The following EPHA6 variants were observed in gnomAD, a reference collection of about 807,000 sequenced individuals.
EPHA6 encodes the protein ephrin type-A receptor 6.
In EPHA6, 50 loss-of-function variants were observed where a neutral mutation model predicts 112.0. The ratio of observed to expected loss-of-function variants is 0.45; its 90% CI spans 0.36 to 0.56. EPHA6 has a LOEUF of 0.56. Among genes scored for constraint, EPHA6 ranks in the 20% least tolerant of loss-of-function variants. EPHA6 has a pLI of 0.00. For synonymous variants in EPHA6, 529 were observed against 490.7 expected (o/e 1.08, Z -1.03); for missense variants, 1,280 against 1,417.4 (o/e 0.90, Z 1.56).
At chr3:97,559,699 A>T in intron 11 of EPHA6, 1 of 442,248 alleles carries the variant, frequency 2.3e-6, no homozygotes, top group Non-Finnish European at 4.5e-6. Context: ...GTATGCTGTC[A>T]CACAAGAGTG....
intron 2 of EPHA6, among the ~76,000 whole-genome samples, chr3:96,898,031 AAG>A (rs1035805851): frequency 1.3e-5 from 2 of 152,186 alleles, no homozygotes; most frequent in Non-Finnish European, 2.9e-5. Context: ...AAAATGAAAA[AAG>A]AAAATATTGA....
At chr3:97,091,222 A>T (rs1399150147) in intron 3 of EPHA6, among the ~76,000 whole-genome samples, 1 of 152,130 alleles carries the variant, frequency 6.6e-6, no homozygotes, top group South Asian at 2.1e-4. Context: ...TGTTCTCTAT[A>T]TGATATGGAA....
intron 6 of EPHA6, among the ~76,000 whole-genome samples, chr3:97,447,198 G>A (rs1441079058): frequency 6.6e-6 from 1 of 152,100 alleles, no homozygotes; most frequent in African/African-American, 2.4e-5. Flanking sequence ...TAGCTTAAGA[G>A]AAATGATTTT....
chr3:96,973,877 A>T lies in EPHA6; in HGVS notation c.451-13453A>T, dbSNP rs555558892. Among the ~76,000 whole-genome samples, 651 of 146,162 alleles carry T rather than the reference A, an allele frequency of 4.5e-3. 5 individuals are homozygous for T. The highest frequency in any genetic ancestry group is 0.016 in the African/African-American group (636 of 40,442). ...TCTATATTATATAATATATAATATGATAGATTCTGTATATTATATAATATA... is the reference window on the plus strand; with the variant it reads ...TCTATATTATATAATATATAATATGTTAGATTCTGTATATTATATAATATA... On this transcript the variant is annotated intron_variant, in intron 2 of 17. Coordinates refer to ENST00000389672, the MANE Select transcript of EPHA6 (RefSeq NM_001080448.3).
At chr3:97,034,681 A>T (rs1245987841) in intron 3 of EPHA6, among the ~76,000 whole-genome samples, 1 of 151,954 alleles carries the variant, frequency 6.6e-6, no homozygotes, top group South Asian at 2.1e-4. Flanking sequence ...TATTTTTAGC[A>T]TATTGCCTAT....
intron 3 of EPHA6, among the ~76,000 whole-genome samples, chr3:97,123,707 A>T (rs1011310845): frequency 6.6e-6 from 1 of 152,142 alleles, no homozygotes; most frequent in East Asian, 1.9e-4. Context: ...ATCGTACTGA[A>T]ATCAGTTTGT....
intron 10 of EPHA6, among the ~76,000 whole-genome samples, chr3:97,521,777 G>A (rs1216690846): frequency 6.6e-6 from 1 of 152,110 alleles, no homozygotes; most frequent in East Asian, 1.9e-4. Flanking sequence ...CATGGGGCAT[G>A]ACAGTGCACC....
chr3:97,505,600 T>G (rs2092228818), intron 10 of EPHA6, among the ~76,000 whole-genome samples: 1 of 152,206 alleles, frequency 6.6e-6, no homozygotes, highest in Non-Finnish European at 1.5e-5. Context: ...GATGGGCATT[T>G]GGGTTGGTTC....
At chr3:97,215,650 A>G (rs1194087109) in intron 3 of EPHA6, among the ~76,000 whole-genome samples, 2 of 151,908 alleles carry the variant, frequency 1.3e-5, no homozygotes, top group Non-Finnish European at 2.9e-5. Context: ...TATTTCAATC[A>G]CTGTATCCAT....
intron 3 of EPHA6, among the ~76,000 whole-genome samples, chr3:96,997,008 TC>T (rs2043448061): frequency 6.6e-6 from 1 of 152,094 alleles, no homozygotes; most frequent in Non-Finnish European, 1.5e-5. Context: ...AGCTTCTACA[TC>T]ATCAGCACCT....
At chr3:97,475,504 C>A (rs1442442839) in intron 8 of EPHA6, 44 bp downstream of exon 8, 3 of 1,351,812 alleles carry the variant, frequency 2.2e-6, no homozygotes, top group African/African-American at 1.4e-5. Context: ...TATGAATAAC[C>A]ACTCTTTTTA....
intron 3 of EPHA6, among the ~76,000 whole-genome samples, chr3:97,120,428 C>T (rs1158472541): frequency 6.6e-6 from 1 of 151,534 alleles, no homozygotes; most frequent in Non-Finnish European, 1.5e-5. Flanking sequence ...TAGAGTAACC[C>T]ACATTTGCAT....
chr3:97,489,685 T>TA (rs60356185), intron 10 of EPHA6, among the ~76,000 whole-genome samples: 283 of 133,402 alleles, frequency 2.1e-3, no homozygotes, highest in East Asian at 6.6e-3. Flanking sequence ...GACTCCGTCT[T>TA]AAAAAAAAAA....
At chr3:96,897,301 A>G (rs541680005) in intron 2 of EPHA6, among the ~76,000 whole-genome samples, 12 of 152,148 alleles carry the variant, frequency 7.9e-5, no homozygotes, top group Admixed American at 2.6e-4. Flanking sequence ...CTATTAGCAA[A>G]CCAAATTTCT....
intron 13 of EPHA6, among the ~76,000 whole-genome samples, chr3:97,612,176 T>C (rs1162083347): frequency 1.3e-5 from 2 of 152,030 alleles, no homozygotes; most frequent in African/African-American, 4.8e-5. Flanking sequence ...TTCTAAATTA[T>C]TTTAGAATAA....
intron 11 of EPHA6, among the ~76,000 whole-genome samples, chr3:97,570,686 A>G (rs373350708): frequency 6.9e-4 from 105 of 151,976 alleles, no homozygotes; most frequent in African/African-American, 2.2e-3. Flanking sequence ...CAGAGATCAC[A>G]CCACTGTACT....
At chr3:97,688,869 C>T (rs2032451839) in intron 14 of EPHA6, among the ~76,000 whole-genome samples, 1 of 151,986 alleles carries the variant, frequency 6.6e-6, no homozygotes, top group Non-Finnish European at 1.5e-5. Context: ...AAAGTAAAGC[C>T]CCTTTCATTC....
chr3:97,355,004 A>G (rs1446497651), intron 5 of EPHA6, among the ~76,000 whole-genome samples: 1 of 152,206 alleles, frequency 6.6e-6, no homozygotes, highest in Non-Finnish European at 1.5e-5. Flanking sequence ...CCTGGAATCT[A>G]GTAAAAATAT....
At chr3:96,827,419 TA>T (rs151062738) in intron 1 of EPHA6, among the ~76,000 whole-genome samples, 11 of 152,118 alleles carry the variant, frequency 7.2e-5, no homozygotes, top group East Asian at 3.9e-4. Context: ...TTTTTTGAGT[TA>T]AAAAAATGTG....
Sources: gnomAD v4.1 joint callset for allele counts (sites outside exome capture counted in the v4.1 genomes callset) on GRCh38, gnomAD v4.1.1 for gene constraint, MANE v1.5 for transcripts, NCBI Gene and HGNC (gene_info 2026-07-23, HGNC 2026-07-21) for gene names.